MEIS1: variants seen among roughly 807,000 people sequenced by gnomAD.
MEIS1 encodes the protein homeobox protein Meis1.
In MEIS1, 5 loss-of-function variants were observed where a neutral mutation model predicts 50.8. The ratio of observed to expected loss-of-function variants is 0.10; its 90% confidence interval spans 0.05 to 0.21. The LOEUF (loss-of-function observed/expected upper bound fraction) is 0.21, where lower values mean the gene tolerates loss of function less well. Among genes scored for constraint, MEIS1 ranks in the 10% least tolerant of loss-of-function variants. The pLI is 1.00. For synonymous variants in MEIS1, 176 were observed against 179.3 expected, an observed-to-expected ratio of 0.98 and a Z score of 0.15; for missense variants, 318 against 517.3, an observed-to-expected ratio of 0.61 and a Z score of 3.74.
chr2:66,436,144 T>TTA (rs1553369672), intron 1 of MEIS1, among the ~76,000 whole-genome samples: 4 of 152,136 alleles, frequency 2.6e-5, no homozygotes, highest in Admixed American at 2.6e-4. Flanking sequence ...GGTTTTTTTT[T>TTA]AAAAAAGCTA....
At position 66,437,924 on chromosome 2, in the gene MEIS1, T is replaced by C; in HGVS notation, c.200T>C (p.Val67Ala). The C allele has an allele frequency of 1.3e-6, 2 of 1,598,184 alleles. No homozygotes were observed. Among genetic ancestry groups the C allele is most frequent in the East Asian group, 4.5e-5 (2 of 44,130 alleles). The change falls in exon 2 of 13, where the codon GTC becomes GCC. Residue 67 changes from valine (V) to alanine (A), a missense_variant. Coordinates refer to ENST00000272369, the MANE Select transcript of MEIS1 (RefSeq NM_002398.3). ...NAMAPSMGSS[V>A]NDALKRDKDA... The stretch of plus-strand genomic sequence containing the variant: ...ATGGCCCCCAGCATGGGCTCCTCTG[T>C]CAATGACGCTTTAAAGAGAGATAAA...
chr2:66,441,103 G>C, intron 4 of MEIS1: 2 of 401,434 alleles, frequency 5.0e-6, no homozygotes, highest in Non-Finnish European at 8.7e-6. Flanking sequence ...GACACATGTA[G>C]TCCAGTGTTG....
chr2:66,439,749 C>A (rs1671907033), intron 2 of MEIS1, 94 bp from the exon 3 acceptor site: 2 of 1,601,182 alleles, frequency 1.2e-6, no homozygotes, highest in African/African-American at 1.3e-5. Context: ...GGGGTCTGTT[C>A]CTCTTGCTCC....
rs111909030 is a variant in MEIS1 at position 66,458,341 on chromosome 2, T to C, written c.631-5768T>C. Among the ~76,000 whole-genome samples the C allele has an allele frequency of 9.9e-4, 151 of 152,124 alleles. 2 individuals are homozygous for C. The highest frequency in any genetic ancestry group is 3.4e-3 in the African/African-American group (143 of 41,496). The stretch of plus-strand genomic sequence containing the variant: ...CTGTAAAAATCATGTTATTCCAAGG[T>C]GAAAATAAGATCAGTTTGCATTCCC... On this transcript the variant is annotated intron_variant, in intron 6 of 12. Transcript: ENST00000272369.
intron 9 of MEIS1, among the ~76,000 whole-genome samples, chr2:66,564,368 A>G (rs1390033479): frequency 6.6e-6 from 1 of 152,068 alleles, no homozygotes; most frequent in African/African-American, 2.4e-5. Flanking sequence ...AGGCTGTGGT[A>G]TTTTTTGTGT....
At chr2:66,565,093 T>C (rs1675314886) in intron 9 of MEIS1, among the ~76,000 whole-genome samples, 1 of 152,142 alleles carries the variant, frequency 6.6e-6, no homozygotes, top group African/African-American at 2.4e-5. Context: ...TTCATGTCAG[T>C]GACCAAACGA....
chr2:66,511,839 C>T (rs1366828795), intron 7 of MEIS1, among the ~76,000 whole-genome samples: 1 of 137,734 alleles, frequency 7.3e-6, no homozygotes, highest in African/African-American at 2.5e-5. Flanking sequence ...TTACACTTAA[C>T]CTGTCTCAGC....
At chr2:66,440,874 A>G (rs1671960587) in intron 4 of MEIS1, 1 of 530,234 alleles carries the variant, frequency 1.9e-6, no homozygotes, top group Non-Finnish European at 3.3e-6. Flanking sequence ...GCGCAGCTCT[A>G]ATCAGCGCGG....
chr2:66,507,985 G>A (rs1426503874), intron 7 of MEIS1, among the ~76,000 whole-genome samples: 1 of 152,214 alleles, frequency 6.6e-6, no homozygotes, highest in Non-Finnish European at 1.5e-5. Flanking sequence ...TCCTTTCTTT[G>A]TTGGTTGGCC....
chr2:66,509,783 G>T (rs1461507539), intron 7 of MEIS1, among the ~76,000 whole-genome samples: 1 of 152,186 alleles, frequency 6.6e-6, no homozygotes, highest in Non-Finnish European at 1.5e-5. Context: ...GAATTCTTTT[G>T]CCTGAGGTAA....
chr2:66,529,036 C>T (rs186005425), intron 8 of MEIS1, among the ~76,000 whole-genome samples: 2 of 152,254 alleles, frequency 1.3e-5, no homozygotes, highest in East Asian at 3.9e-4. Context: ...ACTTCCATGA[C>T]CCCTTCTCTA....
At chr2:66,465,485 G>A (rs1672612139) in intron 7 of MEIS1, among the ~76,000 whole-genome samples, 1 of 152,114 alleles carries the variant, frequency 6.6e-6, no homozygotes, top group Non-Finnish European at 1.5e-5. Context: ...TGGCGTTGCT[G>A]TTCAGAGTGC....
chr2:66,527,933 C>G (rs1674297342), intron 8 of MEIS1, among the ~76,000 whole-genome samples: 1 of 151,996 alleles, frequency 6.6e-6, no homozygotes, highest in Admixed American at 6.6e-5. Flanking sequence ...TACAAGGAAC[C>G]ATATACATCC....
intron 8 of MEIS1, among the ~76,000 whole-genome samples, chr2:66,525,104 T>A (rs1008031244): frequency 6.6e-6 from 1 of 152,050 alleles, no homozygotes; most frequent in Non-Finnish European, 1.5e-5. Flanking sequence ...TCCCAGCTAC[T>A]CAAGAGGCTA....
rs1672036309 is a variant in MEIS1 at position 66,443,032 on chromosome 2, C to T, written c.614C>T (p.Ala205Val). The change falls in exon 6 of 13, where the codon GCA becomes GTA. Residue 205 changes from alanine (A) to valine (V), a missense_variant. Ala to Val is a moderately conservative substitution (Grantham distance 64). Coordinates refer to ENST00000272369, the MANE Select transcript of MEIS1 (RefSeq NM_002398.3). ...GACAGTGAAGATATAACAAGATCAG[C>T]AAATCTAACTGACCAGGTATGCGCT... ...KSDSEDITRSANLTDQPSWNR... is the reference protein window; with the variant it reads ...KSDSEDITRSVNLTDQPSWNR... 5.0e-6 allele frequency: 8 copies of T among 1,596,112 alleles called. No homozygotes were observed. The South Asian group carries it at 8.1e-5, about 16-fold the overall frequency.
intron 7 of MEIS1, among the ~76,000 whole-genome samples, chr2:66,467,428 C>A (rs1449346832): frequency 2.0e-5 from 3 of 152,014 alleles, no homozygotes; most frequent in African/African-American, 4.8e-5. Flanking sequence ...GAAATCCCAT[C>A]TCTACTAAAA....
rs753232642 is a variant in MEIS1, at chr2:66,442,986, A to G, written c.568A>G (p.Arg190Gly). ...KMPIDLVIDD[R>G]EGGSKSDSED... ...GCCTATCGATTTGGTGATAGACGAT[A>G]GAGAAGGAGGATCAAAATCAGACAG... The change falls in exon 6 of 13, where the codon AGA (arginine) becomes GGA (glycine). Residue 190 changes from arginine to glycine, a missense_variant. Coordinates refer to ENST00000272369, the MANE Select transcript of MEIS1 (RefSeq NM_002398.3). The G allele has an allele frequency of 8.1e-6, 13 of 1,606,756 alleles. No individual in the cohort carries two copies. The highest frequency in any genetic ancestry group is 9.3e-6 in the Non-Finnish European group (11 of 1,177,356).
chr2:66,482,778 C>A (rs1217324100), intron 7 of MEIS1, among the ~76,000 whole-genome samples: 1 of 152,176 alleles, frequency 6.6e-6, no homozygotes. Context: ...CTGGAACACA[C>A]ATATTTCCCA....
intron 7 of MEIS1, among the ~76,000 whole-genome samples, chr2:66,502,243 T>TAGG (rs1372615084): frequency 6.6e-6 from 1 of 152,016 alleles, no homozygotes; most frequent in Non-Finnish European, 1.5e-5. Flanking sequence ...TTCCCAAATA[T>TAGG]AGGCAGGGGT....
Sources: allele counts gnomAD v4.1 joint callset (sites outside exome capture counted in the v4.1 genomes callset), GRCh38; gene constraint gnomAD v4.1.1; transcripts MANE v1.5; gene names NCBI Gene and HGNC (gene_info 2026-07-23, HGNC 2026-07-21).